Variants in ZNF91 observed in about 807,000 individuals in gnomAD.
ZNF91 encodes the protein zinc finger protein 91.
In ZNF91, 7 loss-of-function variants were observed where a neutral mutation model predicts 12.6. The ratio of observed to expected loss-of-function variants is 0.55; its 90% confidence interval spans 0.31 to 1.04. The LOEUF (loss-of-function observed/expected upper bound fraction) is 1.04. ZNF91 is among the 50% of genes least tolerant of loss of function. The pLI, the probability that ZNF91 is intolerant of heterozygous loss-of-function variation, is 0.05. For synonymous variants in ZNF91, 453 were observed against 462.6 expected, an observed-to-expected ratio of 0.98 and a Z score of 0.27; for missense variants, 1,217 against 1,385.4, an observed-to-expected ratio of 0.88 and a Z score of 1.93.
At chr19:23,305,634 G>C (rs1481239541) in intron 3 of ZNF91, among the ~76,000 whole-genome samples, 1 of 152,132 alleles carries the variant, frequency 6.6e-6, no homozygotes, top group African/African-American at 2.4e-5. Context: ...GCCGATATTT[G>C]AGCCCAGATG....
chr19:23,383,282 A>T (rs1969777164), intron 1 of ZNF91, among the ~76,000 whole-genome samples: 2 of 152,246 alleles, frequency 1.3e-5, no homozygotes, highest in South Asian at 4.1e-4. Flanking sequence ...AGCTTTTGGT[A>T]AATTTTAACA....
chr19:23,385,830 T>A (rs191845181), intron 1 of ZNF91, among the ~76,000 whole-genome samples: 1 of 152,304 alleles, frequency 6.6e-6, no homozygotes, highest in East Asian at 1.9e-4. Context: ...TTGTAGTTCT[T>A]ATATATCCCT....
At chr19:23,306,603 T>G (rs915506041) in intron 3 of ZNF91, among the ~76,000 whole-genome samples, 1 of 152,170 alleles carries the variant, frequency 6.6e-6, no homozygotes, top group Non-Finnish European at 1.5e-5. Context: ...CATTGTGACA[T>G]GTTGCTTGGT....
chr19:23,384,633 G>A, intron 1 of ZNF91: 2 of 735,832 alleles, frequency 2.7e-6, no homozygotes, highest in Non-Finnish European at 4.1e-6. Flanking sequence ...TCCCCCTCTT[G>A]GAGGCTTTTG....
intron 3 of ZNF91, chr19:23,342,265 C>A (rs570589194): frequency 4.4e-6 from 2 of 457,352 alleles, no homozygotes; most frequent in Non-Finnish European, 8.0e-6. Flanking sequence ...GACAGCAAGG[C>A]CTGTTTTGTT....
intron 1 of ZNF91, among the ~76,000 whole-genome samples, chr19:23,331,425 A>G (rs543740902): frequency 3.9e-5 from 6 of 152,334 alleles, no homozygotes; most frequent in Admixed American, 2.6e-4. Flanking sequence ...TAATATGCCT[A>G]TTCTTTGCAT....
rs956158006 is a variant in ZNF91 at position 23,363,019 on chromosome 19, T to C, written c.254-294A>G. ...CCTAATTCTTTCATAGACATATATATGTAACAAAAACATACAGATCAAATT... is the reference window on the plus strand; with the variant it reads ...CCTAATTCTTTCATAGACATATATACGTAACAAAAACATACAGATCAAATT... On this transcript the variant is annotated intron_variant, in intron 3 of 3. Coordinates refer to ENST00000300619, the MANE Select transcript of ZNF91 (RefSeq NM_003430.4). Among the ~76,000 whole-genome samples the C allele has an allele frequency of 3.9e-5, 6 of 152,300 alleles. No homozygotes were observed. The East Asian group carries it at 9.7e-4, about 25-fold the overall frequency.
intron 3 of ZNF91, among the ~76,000 whole-genome samples, chr19:23,341,743 T>C (rs529933543): frequency 1.3e-5 from 2 of 152,312 alleles, no homozygotes; most frequent in South Asian, 4.1e-4. Context: ...ACATCTGTCA[T>C]TCATGTTCCT....
intron 1 of ZNF91, chr19:23,384,502 T>G: frequency 2.1e-6 from 2 of 950,858 alleles, no homozygotes; most frequent in South Asian, 3.5e-5. Flanking sequence ...TTCTTCCGCT[T>G]GCAAAACAGA....
At chr19:23,341,011 G>A (rs1028953030) in intron 3 of ZNF91, among the ~76,000 whole-genome samples, 2 of 149,790 alleles carry the variant, frequency 1.3e-5, no homozygotes, top group African/African-American at 4.9e-5. Context: ...TAGCCAACAC[G>A]CATATGAAAA....
Position 23,360,266 on chromosome 19 carries a change from T to C in ZNF91, c.2713A>G (p.Thr905Ala). Residue 905 changes from threonine to alanine, a missense_variant, in exon 4 of 4, where the codon ACC becomes GCC. Physicochemically the swap from Thr to Ala is moderately conservative, Grantham distance 58 (BLOSUM62 0). Transcript: ENST00000300619. ...TCACATTTGTAGGTTTTCTCTCTGG[T>C]ATGAATTCTCTTATGTTCAGTAAGG... ...STLTEHKRIH[T>A]REKTYKCEEC... is the part of the protein sequence containing the mutation. 2 of 1,613,832 alleles carry C rather than the reference T, an allele frequency of 1.2e-6. No homozygotes were observed. Among genetic ancestry groups the C allele is most frequent in the Non-Finnish European group, 1.7e-6 (2 of 1,179,860 alleles).
intron 1 of ZNF91, among the ~76,000 whole-genome samples, chr19:23,377,038 G>C (rs1045203987): frequency 5.9e-5 from 9 of 151,862 alleles, no homozygotes; most frequent in African/African-American, 1.9e-4. Flanking sequence ...AAAAGATTCA[G>C]AACAATGAGC....
chr19:23,342,302 T>C (rs556199926), intron 3 of ZNF91: 100 of 410,688 alleles, frequency 2.4e-4, no homozygotes, highest in Non-Finnish European at 4.1e-4. Context: ...CTTTCTGGGA[T>C]CCTCCAGTTA....
At chr19:23,312,946 T>G (rs1967495869), upstream of ZNF91, among the ~76,000 whole-genome samples, 1 of 152,208 alleles carries the variant, frequency 6.6e-6, no homozygotes, top group South Asian at 2.1e-4. Flanking sequence ...GACTCTTATA[T>G]GTGAATCTGG....
intron 1 of ZNF91, among the ~76,000 whole-genome samples, chr19:23,381,382 T>C (rs1969708301): frequency 6.6e-6 from 1 of 152,088 alleles, no homozygotes; most frequent in African/African-American, 2.4e-5. Context: ...ACTATGCTAA[T>C]TGTACTGAAT....
At chr19:23,353,043 CA>C (rs1419090910), downstream of ZNF91, among the ~76,000 whole-genome samples, 1 of 152,182 alleles carries the variant, frequency 6.6e-6, no homozygotes, top group Non-Finnish European at 1.5e-5. Flanking sequence ...CAGCACTAGA[CA>C]GGTCATCAAG....
At chr19:23,377,075 T>C (rs1383794414) in intron 1 of ZNF91, among the ~76,000 whole-genome samples, 3 of 151,948 alleles carry the variant, frequency 2.0e-5, no homozygotes, top group Admixed American at 2.0e-4. Flanking sequence ...AAATATAAGT[T>C]TCTCTTTTTT....
intron 2 of ZNF91, 32 bp downstream of exon 2, chr19:23,374,606 T>C (rs1312532723): frequency 2.6e-6 from 4 of 1,558,750 alleles, no homozygotes; most frequent in African/African-American, 1.4e-5. Context: ...CATTAGTTTA[T>C]ATTAGAAACT....
At chr19:23,375,163 ATTTTTT>A (rs377328598) in intron 1 of ZNF91, among the ~76,000 whole-genome samples, 2 of 146,148 alleles carry the variant, frequency 1.4e-5, no homozygotes, top group Non-Finnish European at 3.0e-5. Flanking sequence ...ACCACTCAAA[ATTTTTT>A]TTTTTTTTTG....
Sources: gnomAD v4.1 joint callset for allele counts (sites outside exome capture counted in the v4.1 genomes callset) on GRCh38, gnomAD v4.1.1 for gene constraint, MANE v1.5 for transcripts, NCBI Gene and HGNC (gene_info 2026-07-23, HGNC 2026-07-21) for gene names.